The following ZNF510 variants were observed in gnomAD, a reference collection of about 807,000 sequenced individuals.
ZNF510 encodes zinc finger protein 510.
Under a neutral mutation model 18.1 loss-of-function variants are expected in ZNF510, and 15 were observed. The observed-to-expected ratio is 0.83, with a 90% CI of 0.55 to 1.28. The LOEUF is 1.28. Ranked by LOEUF, ZNF510 falls within the 50% of genes most tolerant of loss-of-function variation. The pLI, the probability that ZNF510 is intolerant of heterozygous loss-of-function variation, is 0.00. For missense variants in ZNF510, 724 were observed against 791.8 expected (o/e 0.91, Z 1.03); for synonymous variants, 261 against 266.4 (o/e 0.98, Z 0.20).
chr9:96,772,615 A>C (rs1403693218), intron 3 of ZNF510, among the ~76,000 whole-genome samples: 1 of 152,218 alleles, frequency 6.6e-6, no homozygotes, highest in Non-Finnish European at 1.5e-5. Context: ...AAATGTCCAA[A>C]ACACAAACAA....
chr9:96,758,744 T>C lies in ZNF510; in HGVS notation c.*34A>G, dbSNP rs1849253357. 22 of 1,523,682 alleles carry C rather than the reference T, an allele frequency of 1.4e-5. No homozygotes were observed. The highest frequency in any genetic ancestry group is 1.9e-5 in the Non-Finnish European group (22 of 1,138,648). The allele number at this position is 1,523,682 out of a possible 1,614,324, so 94.4% of individuals were successfully genotyped here. Reference sequence around the variant, plus strand: ...TGTATCTCTGATATCAAATGGGGTATTCCTTTTGTCAAAAGGATTTTCTAG... The same window carrying C: ...TGTATCTCTGATATCAAATGGGGTACTCCTTTTGTCAAAAGGATTTTCTAG... On this transcript the variant is annotated 3_prime_UTR_variant, in exon 6 of 6. Coordinates refer to ENST00000223428, the MANE Select transcript of ZNF510 (RefSeq NM_014930.3).
intron 3 of ZNF510, among the ~76,000 whole-genome samples, chr9:96,767,478 C>G (rs946285116): frequency 1.3e-5 from 2 of 152,058 alleles, no homozygotes; most frequent in Non-Finnish European, 2.9e-5. Flanking sequence ...GCTGTAACAC[C>G]TATATTAAAA....
intron 3 of ZNF510, among the ~76,000 whole-genome samples, chr9:96,773,762 G>C (rs997200494): frequency 3.9e-5 from 6 of 152,088 alleles, no homozygotes; most frequent in African/African-American, 1.5e-4. Flanking sequence ...TTTTAGTAGA[G>C]ACAGGGTTTC....
chr9:96,770,603 C>CA (rs60479234), intron 3 of ZNF510, among the ~76,000 whole-genome samples: 41 of 140,688 alleles, frequency 2.9e-4, no homozygotes, highest in South Asian at 1.1e-3. Context: ...AACTCTGTCT[C>CA]AAAAAAAAAA....
chr9:96,765,803 G>A (rs767453020), intron 3 of ZNF510, among the ~76,000 whole-genome samples: 8 of 152,110 alleles, frequency 5.3e-5, no homozygotes, highest in Non-Finnish European at 5.9e-5. Context: ...GAGCCACTGC[G>A]CCTGGCCGAT....
At chr9:96,768,565 GAAT>G (rs1849523155) in intron 3 of ZNF510, among the ~76,000 whole-genome samples, 1 of 151,812 alleles carries the variant, frequency 6.6e-6, no homozygotes. Flanking sequence ...TACTAGCAAT[GAAT>G]AATAAAAAAG....
Position 96,757,319 on chromosome 9 carries a change from A to ACT in ZNF510, c.*1457_*1458dup, listed in dbSNP as rs1475753590. The ACT allele has an allele frequency of 6.6e-6, 1 of 152,164 alleles. No individual in the cohort carries two copies. Among genetic ancestry groups the ACT allele is most frequent in the Non-Finnish European group, 1.5e-5 (1 of 68,032 alleles). 9.4% of individuals were successfully genotyped at this position (152,164 alleles called of 1,614,324 possible). A position where few individuals can be genotyped will look rare whatever the true frequency, so the allele number is the denominator to read the frequency against. On this transcript the variant is annotated 3_prime_UTR_variant, in exon 6 of 6. Transcript: ENST00000223428. ...TGCAATTAAGGCACACTTACGTTGA[A>ACT]CTGCACAGTGGCTGCTCACCATTCA...
At position 96,760,006 on chromosome 9, in the gene ZNF510, G is replaced by A; in HGVS notation, c.824C>T (p.Ser275Phe). The part of the protein sequence containing the change: ...DKANCVKHNS[S>F]HTGETSSKDD... Reference sequence around the variant, plus strand: ...TTTAGAGGATGTTTCTCCTGTGTGAGAACTGTTATGTTTAACACAGTTAGC... The same window carrying A: ...TTTAGAGGATGTTTCTCCTGTGTGAAAACTGTTATGTTTAACACAGTTAGC... The change falls in exon 6 of 6, where the codon TCT becomes TTT. Residue 275 changes from serine (S) to phenylalanine (F), a missense_variant. Ser to Phe is a radical substitution (Grantham distance 155). Transcript: ENST00000223428. 1 of 1,612,918 alleles carries A rather than the reference G, an allele frequency of 6.2e-7. No homozygotes were observed. The highest frequency in any genetic ancestry group is 8.5e-7 in the Non-Finnish European group (1 of 1,179,868).
At chr9:96,763,081 C>A in intron 5 of ZNF510, 37 bp downstream of exon 5, 1 of 1,569,986 alleles carries the variant, frequency 6.4e-7, no homozygotes, top group South Asian at 1.1e-5. Context: ...TCTAACCACT[C>A]CTGCAGAATT....
chr9:96,763,184 A>C lies in ZNF510; in HGVS notation c.286T>G (p.Phe96Val). 1.2e-6 allele frequency: 2 copies of C among 1,614,072 alleles called. No individual in the cohort carries two copies. The highest frequency in any genetic ancestry group is 1.7e-6 in the Non-Finnish European group (2 of 1,179,954). Residue 96 changes from phenylalanine to valine, a missense_variant, in exon 5 of 6, where the codon TTC (phenylalanine) becomes GTC (valine). Physicochemically the swap from Phe to Val is conservative, Grantham distance 50 (BLOSUM62 -1). Coordinates refer to ENST00000223428, the MANE Select transcript of ZNF510 (RefSeq NM_014930.3). The stretch of plus-strand genomic sequence containing the variant: ...GGCTCCTCTCCTTGCTCCAACTTGA[A>C]GATCACCTCTGGTTTGAAACAGCAG... ...GYCCFKPEVI[F>V]KLEQGEEPWF...
At chr9:96,774,012 A>G (rs1159583262) in intron 3 of ZNF510, among the ~76,000 whole-genome samples, 1 of 152,246 alleles carries the variant, frequency 6.6e-6, no homozygotes, top group African/African-American at 2.4e-5. Flanking sequence ...TAGCAGCCCT[A>G]GCAAACTAAT....
At chr9:96,762,763 T>C (rs770232427) in intron 5 of ZNF510, among the ~76,000 whole-genome samples, 1 of 152,202 alleles carries the variant, frequency 6.6e-6, no homozygotes, top group Non-Finnish European at 1.5e-5. Flanking sequence ...GGCATACATA[T>C]TAAAAAGTTC....
chr9:96,771,331 T>TATCA (rs1043150559), intron 3 of ZNF510, among the ~76,000 whole-genome samples: 20 of 152,092 alleles, frequency 1.3e-4, no homozygotes, highest in African/African-American at 4.1e-4. Context: ...TTGATAAATC[T>TATCA]ATCAATATAA....
intron 3 of ZNF510, among the ~76,000 whole-genome samples, chr9:96,765,659 C>T (rs1849452485): frequency 6.6e-6 from 1 of 151,924 alleles, no homozygotes; most frequent in Admixed American, 6.6e-5. Flanking sequence ...ACTACAGGCA[C>T]GTGCCACCAC....
rs140246987 is a variant in ZNF510 at position 96,759,065 on chromosome 9, C to T, written c.1765G>A (p.Val589Met). Reference sequence around the variant, plus strand: ...TCCCCAGTGTGAATTCTTTGATGCACTCTGAGGGTTGATGTCCGGGCAAAA... The same window carrying T: ...TCCCCAGTGTGAATTCTTTGATGCATTCTGAGGGTTGATGTCCGGGCAAAA... Reference protein sequence around the residue: ...KTFARTSTLRVHQRIHTGEKP... With the variant: ...KTFARTSTLRMHQRIHTGEKP... The change falls in exon 6 of 6, where the codon GTG (valine) becomes ATG (methionine). Residue 589 changes from valine (V) to methionine (M), a missense_variant. Transcript: ENST00000223428. 2 of 1,613,848 alleles carry T rather than the reference C, an allele frequency of 1.2e-6. No individual in the cohort carries two copies. The highest frequency in any genetic ancestry group is 1.7e-6 in the Non-Finnish European group (2 of 1,179,952).
chr9:96,765,172 G>A (rs566912098), intron 3 of ZNF510, among the ~76,000 whole-genome samples: 15 of 152,310 alleles, frequency 9.8e-5, no homozygotes, highest in Non-Finnish European at 2.2e-4. Context: ...TGACAAAACA[G>A]TCCTTTCAAT....
At chr9:96,774,721 T>C in intron 3 of ZNF510, 67 bp downstream of exon 3, 2 of 1,359,950 alleles carry the variant, frequency 1.5e-6, no homozygotes, top group Non-Finnish European at 2.1e-6. Context: ...TACATTTCCA[T>C]ATTAATATGT....
At chr9:96,768,661 C>T (rs1165240139) in intron 3 of ZNF510, among the ~76,000 whole-genome samples, 1 of 151,994 alleles carries the variant, frequency 6.6e-6, no homozygotes, top group Non-Finnish European at 1.5e-5. Flanking sequence ...TATACGTGAA[C>T]ACTAGAAAAC....
intron 1 of ZNF510, among the ~76,000 whole-genome samples, chr9:96,777,167 G>A (rs3824482): frequency 0.15 from 22,938 of 152,106 alleles, 4,027 homozygotes; most frequent in African/African-American, 0.41. Flanking sequence ...AGGGGCCTCA[G>A]TCTAACCCAG....
Sources: gnomAD v4.1 joint callset for allele counts (sites outside exome capture counted in the v4.1 genomes callset) on GRCh38, gnomAD v4.1.1 for gene constraint, MANE v1.5 for transcripts, NCBI Gene and HGNC (gene_info 2026-07-23, HGNC 2026-07-21) for gene names.